The following MYO16 variants were observed in gnomAD, a reference collection of about 807,000 sequenced individuals.
The protein encoded by MYO16 is myosin XVI, also known as unconventional myosin-XVI.
In MYO16, 94 loss-of-function variants were observed where a neutral mutation model predicts 205.3. That is an observed-to-expected ratio of 0.46 (90% CI 0.39 to 0.54). MYO16 has a LOEUF of 0.54. Among genes scored for constraint, MYO16 ranks in the 20% least tolerant of loss-of-function variants. The pLI is 0.00. For missense variants in MYO16, 2,315 were observed against 2,387.5 expected (o/e 0.97, Z 0.63); for synonymous variants, 988 against 954.0 (o/e 1.04, Z -0.66).
At chr13:108,732,034 G>A (rs1884539495) in intron 4 of MYO16, among the ~76,000 whole-genome samples, 1 of 152,174 alleles carries the variant, frequency 6.6e-6, no homozygotes, top group Non-Finnish European at 1.5e-5. Flanking sequence ...CTGAATAAAT[G>A]TTGATAAAAT....
chr13:108,600,633 C>T (rs9301306), intron 1 of MYO16, among the ~76,000 whole-genome samples: 54,724 of 151,952 alleles, frequency 0.36, 11,283 homozygotes, highest in Non-Finnish European at 0.46. Context: ...AAACCATACC[C>T]TAGAGCTAGT....
intron 32 of MYO16, among the ~76,000 whole-genome samples, chr13:109,149,682 C>G (rs1467357057): frequency 6.6e-6 from 1 of 152,198 alleles, no homozygotes; most frequent in East Asian, 1.9e-4. Flanking sequence ...CCAGACATCA[C>G]TTTTGAAACA....
At chr13:108,773,310 G>A (rs917871436) in intron 4 of MYO16, among the ~76,000 whole-genome samples, 3 of 152,058 alleles carry the variant, frequency 2.0e-5, no homozygotes, top group African/African-American at 7.2e-5. Context: ...GTTTCTTAAG[G>A]TTGCCATAAT....
intron 32 of MYO16, among the ~76,000 whole-genome samples, chr13:109,146,289 A>AT (rs1877326597): frequency 6.6e-6 from 1 of 152,174 alleles, no homozygotes; most frequent in African/African-American, 2.4e-5. Context: ...TTTATAAACA[A>AT]TTTTTTTACA....
chr13:109,061,125 C>G (rs1351491571), intron 27 of MYO16, among the ~76,000 whole-genome samples: 1 of 152,096 alleles, frequency 6.6e-6, no homozygotes, highest in Non-Finnish European at 1.5e-5. Context: ...TCTCAGCCTT[C>G]ATAAAATTGA....
intron 23 of MYO16, among the ~76,000 whole-genome samples, chr13:109,042,066 GT>G (rs1359112468): frequency 3.9e-5 from 6 of 151,990 alleles, no homozygotes; most frequent in African/African-American, 1.5e-4. Flanking sequence ...GTTTTGCCAT[GT>G]TGACCAGGCT....
intron 13 of MYO16, among the ~76,000 whole-genome samples, chr13:108,887,765 G>A (rs180989377): frequency 6.6e-6 from 1 of 152,310 alleles, no homozygotes; most frequent in Admixed American, 6.5e-5. Flanking sequence ...CACATCTGAA[G>A]ACCTTACTGC....
At chr13:108,886,407 T>C (rs1330697566) in intron 13 of MYO16, 1 of 456,072 alleles carries the variant, frequency 2.2e-6, no homozygotes, top group South Asian at 1.5e-5. Context: ...TTAGCTCGGC[T>C]ACGTCCAGGT....
the MYO16 span, among the ~76,000 whole-genome samples, chr13:108,509,654 C>T: frequency 3.9e-5 from 6 of 152,124 alleles, no homozygotes; most frequent in Non-Finnish European, 7.3e-5. Flanking sequence ...CCTTTGGTCA[C>T]TTTTCAAGTT....
At chr13:108,885,967 G>T (rs1289621133) in intron 13 of MYO16, among the ~76,000 whole-genome samples, 1 of 151,982 alleles carries the variant, frequency 6.6e-6, no homozygotes, top group African/African-American at 2.4e-5. Context: ...ATATTCTGCA[G>T]AACTAGTTTT....
intron 3 of MYO16, among the ~76,000 whole-genome samples, chr13:108,720,148 C>T (rs1278636341): frequency 6.6e-6 from 1 of 151,998 alleles, no homozygotes; most frequent in Non-Finnish European, 1.5e-5. Flanking sequence ...ATAATATTTG[C>T]CAGAGAGAAG....
chr13:109,176,577 T>TTAAAAAAAAAAAAAA (rs1879189364), intron 33 of MYO16, among the ~76,000 whole-genome samples: 1 of 44,942 alleles, frequency 2.2e-5, no homozygotes, highest in Non-Finnish European at 3.8e-5. Flanking sequence ...ATTGTGCTGG[T>TTAAAAAAAAAAAAAA]AAAAAAAAAA....
chr13:109,065,051 C>T (rs938116510), intron 27 of MYO16, among the ~76,000 whole-genome samples: 1 of 152,172 alleles, frequency 6.6e-6, no homozygotes, highest in Non-Finnish European at 1.5e-5. Context: ...TTAGCTAAGG[C>T]CTGGCTGGGC....
rs1369622175 is a variant in MYO16, at chr13:109,075,326, G to A, written c.3335+19731G>A. ...TCTTCCCGTCTCCTGTCCAACACGT[G>A]GTTTGATCAGTCTTTTACATTTCTG... On this transcript the variant is annotated intron_variant, in intron 27 of 34. Coordinates refer to ENST00000457511, the MANE Select transcript of MYO16 (RefSeq NM_001198950.3). Among the ~76,000 whole-genome samples, 6 of 66,040 alleles carry A rather than the reference G, an allele frequency of 9.1e-5. No individual in the cohort carries two copies. In the Admixed American group the frequency reaches 9.6e-4, roughly 11 times the overall value. The allele number at this position is 66,040 out of a possible 152,430, so 43.3% of individuals were successfully genotyped here. A position where few individuals can be genotyped will look rare whatever the true frequency, so the allele number is the denominator to read the frequency against.
chr13:109,136,873 AAT>A (rs1876800251), intron 31 of MYO16, among the ~76,000 whole-genome samples: 1 of 152,224 alleles, frequency 6.6e-6, no homozygotes, highest in South Asian at 2.1e-4. Context: ...TCCAGGTACC[AAT>A]GTTTTTATGA....
At chr13:109,179,705 G>T in intron 34 of MYO16, 72 bp downstream of exon 34, 2 of 1,217,082 alleles carry the variant, frequency 1.6e-6, no homozygotes, top group Admixed American at 3.4e-5. Flanking sequence ...TCATTAACTT[G>T]TTACCAATAG....
chr13:108,627,844 G>T (rs1447462326), upstream of MYO16, among the ~76,000 whole-genome samples: 1 of 152,066 alleles, frequency 6.6e-6, no homozygotes, highest in African/African-American at 2.4e-5. Flanking sequence ...ACATGCAGAG[G>T]CATGCAATTT....
intron 15 of MYO16, among the ~76,000 whole-genome samples, chr13:108,906,456 C>T (rs903953032): frequency 2.0e-5 from 3 of 152,072 alleles, no homozygotes; most frequent in African/African-American, 7.2e-5. Context: ...TCCCCAAATC[C>T]TGATGTTAAA....
intron 16 of MYO16, among the ~76,000 whole-genome samples, chr13:108,943,709 C>T (rs958000696): frequency 4.6e-5 from 7 of 152,054 alleles, no homozygotes; most frequent in African/African-American, 7.2e-5. Context: ...CCTCGGCCTC[C>T]CAAAGTGCTG....
Sources: allele counts gnomAD v4.1 joint callset (sites outside exome capture counted in the v4.1 genomes callset), GRCh38; gene constraint gnomAD v4.1.1; transcripts MANE v1.5; gene names NCBI Gene and HGNC (gene_info 2026-07-23, HGNC 2026-07-21).